ADAMTS10: variants seen among roughly 807,000 people sequenced by gnomAD.
ADAMTS10 encodes the protein A disintegrin and metalloproteinase with thrombospondin motifs 10.
Under a neutral mutation model 135.9 loss-of-function variants are expected in ADAMTS10, and 48 were observed. That is an observed-to-expected ratio of 0.35 (90% CI 0.28 to 0.45). ADAMTS10 has a LOEUF of 0.45. Ranked by LOEUF, ADAMTS10 falls within the 20% of genes least tolerant of loss-of-function variation. ADAMTS10 has a pLI of 1.00. For missense variants in ADAMTS10, 1,131 were observed against 1,565.2 expected, an observed-to-expected ratio of 0.72 and a Z score of 4.68; for synonymous variants, 621 against 647.5, an observed-to-expected ratio of 0.96 and a Z score of 0.62.
intron 2 of ADAMTS10, among the ~76,000 whole-genome samples, chr19:8,607,151 C>T (rs559759228): frequency 6.6e-6 from 1 of 152,234 alleles, no homozygotes; most frequent in African/African-American, 2.4e-5. Context: ...GCTAAGGCTC[C>T]CACCCATGCA....
At chr19:8,607,953 G>C (rs1246778052) in intron 2 of ADAMTS10, among the ~76,000 whole-genome samples, 181 bp downstream of exon 2, 1 of 151,700 alleles carries the variant, frequency 6.6e-6, no homozygotes, top group Non-Finnish European at 1.5e-5. Context: ...TGGGACTACA[G>C]GTGTGCGCCA....
chr19:8,585,467 C>A lies in ADAMTS10; in HGVS notation c.2854G>T (p.Asp952Tyr). The A allele has an allele frequency of 9.1e-6, 14 of 1,535,972 alleles. No individual in the cohort carries two copies. Among genetic ancestry groups the A allele is most frequent in the Non-Finnish European group, 1.2e-5 (14 of 1,139,870 alleles). ...PTCPPEWAAL[D>Y]WSECTPSCGP... ...AGGGGGCGGCTGACCTCAGACCAGTCGAGGGCCGCCCACTCCGGAGGGCAA... is the reference window on the plus strand; with the variant it reads ...AGGGGGCGGCTGACCTCAGACCAGTAGAGGGCCGCCCACTCCGGAGGGCAA... The change falls in exon 23 of 26, where the codon GAC becomes TAC. Residue 952 changes from aspartate to tyrosine, a missense_variant. Around this residue, in one of 3 missense-constraint regions of ADAMTS10, gnomAD observed 745 missense variants for 1,056.3 expected, o/e 0.71. Transcript: ENST00000597188.
chr19:8,591,838 G>C lies in ADAMTS10; in HGVS notation c.1759C>G (p.Leu587Val), dbSNP rs1410102300. The change falls in exon 15 of 26, where the codon CTG (leucine) becomes GTG (valine). Residue 587 changes from leucine to valine, a missense_variant. Coordinates refer to ENST00000597188, the MANE Select transcript of ADAMTS10 (RefSeq NM_030957.4). ...GAGCGGTGCCGCCTTCTCTCACCCA[G>C]ACAGTACTTGCCCCCGATGGTTGGC... ...PRPTIGGKYC[L>V]GERRRHRSCN... 14 of 1,613,672 alleles carry C rather than the reference G, an allele frequency of 8.7e-6. No individual in the cohort carries two copies. The highest frequency in any genetic ancestry group is 3.3e-5 in the Admixed American group (2 of 60,002).
chr19:8,593,735 T>TA (rs2042571250), intron 12 of ADAMTS10, among the ~76,000 whole-genome samples: 1 of 151,814 alleles, frequency 6.6e-6, no homozygotes, highest in Non-Finnish European at 1.5e-5. Flanking sequence ...GTCTTTCCTC[T>TA]AAAAAGTAGG....
chr19:8,590,545 G>A (rs1555738687), intron 15 of ADAMTS10, among the ~76,000 whole-genome samples: 3 of 151,806 alleles, frequency 2.0e-5, no homozygotes, highest in South Asian at 2.1e-4. Context: ...TGCAACCTCC[G>A]CTTCCTGGAT....
In ADAMTS10 at chr19:8,580,857, A is replaced by T. The variant is rs782348033; in HGVS notation, c.*36T>A. 6.6e-7 allele frequency: 1 copy of T among 1,517,552 alleles called. No individual in the cohort carries two copies. The highest frequency in any genetic ancestry group is 1.4e-5 in the African/African-American group (1 of 72,158). 94.0% of individuals were successfully genotyped at this position (1,517,552 alleles called of 1,614,324 possible). A position where few individuals can be genotyped will look rare whatever the true frequency, so the allele number is the denominator to read the frequency against. The stretch of plus-strand genomic sequence containing the variant: ...GCCCGCTGCAGGGCTGGCGGCGGAG[A>T]CCCCGCCAGCTGTGGCTCCGGGTGC... On this transcript the variant is annotated 3_prime_UTR_variant, in exon 26 of 26. Coordinates refer to ENST00000597188, the MANE Select transcript of ADAMTS10 (RefSeq NM_030957.4).
At chr19:8,582,244 C>T (rs371584442) in intron 25 of ADAMTS10, among the ~76,000 whole-genome samples, 7 of 151,888 alleles carry the variant, frequency 4.6e-5, no homozygotes, top group Admixed American at 6.6e-5. Context: ...CTGAGTCGGG[C>T]GGATCATGAG....
chr19:8,585,312 C>T lies in ADAMTS10; in HGVS notation c.2866-4G>A. The T allele has an allele frequency of 1.3e-6, 2 of 1,532,042 alleles. No homozygotes were observed. Among genetic ancestry groups the T allele is most frequent in the Non-Finnish European group, 1.8e-6 (2 of 1,142,096 alleles). 94.9% of individuals were successfully genotyped at this position (1,532,042 alleles called of 1,614,324 possible). ...CCGGCCCGCAGCTGGGGGTGCACTG[C>T]AGTTGGAAGGGGCGTTTCGTGCTCA... On this transcript the variant is annotated splice_region_variant and splice_polypyrimidine_tract_variant and intron_variant, in intron 23 of 25. Coordinates refer to ENST00000597188, the MANE Select transcript of ADAMTS10 (RefSeq NM_030957.4).
At chr19:8,600,425 T>A (rs1470840216) in intron 6 of ADAMTS10, among the ~76,000 whole-genome samples, 1 of 151,858 alleles carries the variant, frequency 6.6e-6, no homozygotes, top group Non-Finnish European at 1.5e-5. Context: ...CCAACCTACC[T>A]ACCTACCTTC....
rs141997404 is a variant in ADAMTS10 at position 8,601,464 on chromosome 19, C to G, written c.593-319G>C. Among the ~76,000 whole-genome samples the G allele has an allele frequency of 6.6e-6, 1 of 151,404 alleles. No homozygotes were observed. The highest frequency in any genetic ancestry group is 1.9e-4 in the East Asian group (1 of 5,140). ...GAAACCTCTGCCTCCCAGGTTCAAG[C>G]GATTCTCCTGCCTCAGCCTCCCGAG... On this transcript the variant is annotated intron_variant, in intron 5 of 25. Transcript: ENST00000597188. This position sits in a 1 kb window ranked among gnomAD's most constrained non-coding sequence, Gnocchi z 4.6.
At chr19:8,583,493 A>G (rs1392363286) in intron 25 of ADAMTS10, among the ~76,000 whole-genome samples, 7 of 151,856 alleles carry the variant, frequency 4.6e-5, no homozygotes, top group Middle Eastern at 3.4e-3. Flanking sequence ...GTGAGCTGAG[A>G]TCATGCCACT....
At chr19:8,587,333 CTTTTTTTTTTTT>C (rs559435857) in intron 18 of ADAMTS10, among the ~76,000 whole-genome samples, 2 of 77,468 alleles carry the variant, frequency 2.6e-5, no homozygotes, top group South Asian at 1.2e-3. Flanking sequence ...ACTAAAAAAC[CTTTTTTTTTTTT>C]TTTTTTTTTT....
chr19:8,592,272 GGAGA>G (rs2042544765), intron 13 of ADAMTS10, 169 bp from the exon 14 acceptor site: 1 of 1,377,784 alleles, frequency 7.3e-7, no homozygotes, highest in East Asian at 2.5e-5. Flanking sequence ...GAGTGGTCTG[GGAGA>G]CAGACCAGGT....
intron 18 of ADAMTS10, among the ~76,000 whole-genome samples, chr19:8,588,588 T>C (rs1232792987): frequency 6.6e-6 from 1 of 152,160 alleles, no homozygotes; most frequent in African/African-American, 2.4e-5. Flanking sequence ...CTCTGTCACT[T>C]GCCCAAAGCC....
At position 8,585,646 on chromosome 19, in the gene ADAMTS10, T is replaced by C; in HGVS notation, c.2675A>G (p.Asn892Ser). The C allele has an allele frequency of 6.2e-7, 1 of 1,612,234 alleles. No homozygotes were observed. ...EPCPPDWVVG[N>S]WSLCSRSCDA... ...GCAGCTGCGGCTGCAGAGCGACCAGTTCCCTACAACCCAGCTGTAAGAGAT... is the reference window on the plus strand; with the variant it reads ...GCAGCTGCGGCTGCAGAGCGACCAGCTCCCTACAACCCAGCTGTAAGAGAT... The change falls in exon 23 of 26, where the codon AAC (asparagine) becomes AGC (serine). Residue 892 changes from asparagine (N) to serine (S), a missense_variant. By Grantham distance (46) the Asn-to-Ser change is conservative. This residue lies in a region of ADAMTS10 where 745 missense variants were observed against 1,056.3 expected (regional missense o/e 0.71). Transcript: ENST00000597188.
chr19:8,600,706 G>A (rs776844517), intron 6 of ADAMTS10, among the ~76,000 whole-genome samples: 3 of 151,920 alleles, frequency 2.0e-5, no homozygotes, highest in Non-Finnish European at 4.4e-5. Flanking sequence ...CACCGTGTTA[G>A]CCAGGATGGT....
In ADAMTS10 at chr19:8,589,270, G is replaced by T; in HGVS notation, c.2130C>A (p.Gly710=). Residue 710 remains glycine, a synonymous_variant, in exon 18 of 26, where the codon GGC becomes GGA. Transcript: ENST00000597188. ...GDGSACETIE[G]VFSPASPGAG... ...CCCCAGGTGAGGCTGGGCTGAAGAC[G>T]CCCTCGATGGTCTCGCAGGCACTGC... 1 of 1,612,468 alleles carries T rather than the reference G, an allele frequency of 6.2e-7. No individual in the cohort carries two copies. The highest frequency in any genetic ancestry group is 8.5e-7 in the Non-Finnish European group (1 of 1,179,940).
chr19:8,586,932 T>C, intron 18 of ADAMTS10, 36 bp from the exon 19 acceptor site: 1 of 1,608,184 alleles, frequency 6.2e-7, no homozygotes. Flanking sequence ...CCACTTGGCA[T>C]GTCCCCAACA....
intron 6 of ADAMTS10, among the ~76,000 whole-genome samples, chr19:8,599,147 A>G (rs1323836077): frequency 9.9e-5 from 15 of 152,044 alleles, no homozygotes; most frequent in Admixed American, 9.8e-4. Flanking sequence ...GCTGAGGCTT[A>G]GAGAGGTCAA....
Sources: allele counts gnomAD v4.1 joint callset (sites outside exome capture counted in the v4.1 genomes callset), GRCh38; gene constraint gnomAD v4.1.1; regional missense constraint gnomAD v4.1.1; non-coding constraint Gnocchi (gnomAD v3.1); transcripts MANE v1.5; gene names NCBI Gene and HGNC (gene_info 2026-07-23, HGNC 2026-07-21).